The following SLC9C1 variants were observed in gnomAD, a reference collection of about 807,000 sequenced individuals.
The protein encoded by SLC9C1 is solute carrier family 9 member C1.
In SLC9C1, 97 loss-of-function variants were observed where a neutral mutation model predicts 140.9. The observed-to-expected ratio is 0.69, with a 90% CI of 0.58 to 0.82. SLC9C1 has a LOEUF of 0.82. SLC9C1 is among the 40% of genes least tolerant of loss of function. The pLI is 0.00. For missense variants in SLC9C1, 1,340 were observed against 1,389.3 expected (o/e 0.96, Z 0.56); for synonymous variants, 440 against 442.6 (o/e 0.99, Z 0.07).
intron 20 of SLC9C1, among the ~76,000 whole-genome samples, chr3:112,187,058 T>C (rs2077554052): frequency 1.3e-5 from 2 of 152,204 alleles, no homozygotes; most frequent in African/African-American, 4.8e-5. Flanking sequence ...CACATCTCTT[T>C]CTATTTTGGG....
At chr3:112,255,468 T>C (rs944418028) in intron 10 of SLC9C1, among the ~76,000 whole-genome samples, 3 of 152,138 alleles carry the variant, frequency 2.0e-5, no homozygotes, top group African/African-American at 7.2e-5. Flanking sequence ...TTAAACAACC[T>C]GCTTCTTAAT....
chr3:112,258,451 T>G (rs1256401580), intron 10 of SLC9C1, among the ~76,000 whole-genome samples: 1 of 152,030 alleles, frequency 6.6e-6, no homozygotes, highest in Non-Finnish European at 1.5e-5. Flanking sequence ...TTTTTGTTTT[T>G]GAGATGGAGT....
chr3:112,286,805 T>C lies in SLC9C1; in HGVS notation c.-14A>G, dbSNP rs764001241. 6.3e-7 allele frequency: 1 copy of C among 1,599,034 alleles called. No homozygotes were observed. Among genetic ancestry groups the C allele is most frequent in the South Asian group, 1.1e-5 (1 of 89,538 alleles). ...TATTCCAGCCATGTTTCAGAAAAATTTTTATGCAGATTTATGTTAGAAGCA... is the reference window on the plus strand; with the variant it reads ...TATTCCAGCCATGTTTCAGAAAAATCTTTATGCAGATTTATGTTAGAAGCA... On this transcript the variant is annotated 5_prime_UTR_variant, in exon 2 of 29. Coordinates refer to ENST00000305815, the MANE Select transcript of SLC9C1 (RefSeq NM_183061.3).
chr3:112,262,816 C>T (rs1021081929), intron 10 of SLC9C1, 108 bp downstream of exon 10: 22 of 1,022,144 alleles, frequency 2.2e-5, no homozygotes, highest in Non-Finnish European at 2.8e-5. Flanking sequence ...TAAATCACTC[C>T]TACATCCCAA....
chr3:112,254,908 CA>C (rs1161597490), intron 10 of SLC9C1, among the ~76,000 whole-genome samples: 6 of 149,368 alleles, frequency 4.0e-5, no homozygotes, highest in Non-Finnish European at 6.0e-5. Flanking sequence ...AAATGGAAAA[CA>C]AAAAAAAAGC....
chr3:112,151,422 G>A (rs981175905), intron 28 of SLC9C1: 3 of 518,924 alleles, frequency 5.8e-6, no homozygotes, highest in Non-Finnish European at 1.2e-5. Flanking sequence ...TTTAACTTCA[G>A]CTGGTGTTAT....
At position 112,169,270 on chromosome 3, in the gene SLC9C1, A is replaced by G. The variant is rs772368591; in HGVS notation, c.2978T>C (p.Ile993Thr). Residue 993 changes from isoleucine to threonine, a missense_variant, in exon 24 of 29, where the codon ATT (isoleucine) becomes ACT (threonine). By Grantham distance (89) the Ile-to-Thr change is moderately conservative (BLOSUM62 -1). Coordinates refer to ENST00000305815, the MANE Select transcript of SLC9C1 (RefSeq NM_183061.3). Reference sequence around the variant, plus strand: ...AAGTTTTAGCCACATTTTTTGTTTAATGAGAGGAGAGCATTGCTCAAAAGC... The same window carrying G: ...AAGTTTTAGCCACATTTTTTGTTTAGTGAGAGGAGAGCATTGCTCAAAAGC... ...YDAFEQCSPL[I>T]KQKMWLKLGL... is the part of the protein sequence containing the mutation. 4 of 1,613,570 alleles carry G rather than the reference A, an allele frequency of 2.5e-6. No homozygotes were observed. In the East Asian group the frequency reaches 6.7e-5, roughly 27 times the overall value.
chr3:112,280,929 A>G, intron 2 of SLC9C1, 146 bp from the exon 3 acceptor site: 1 of 701,700 alleles, frequency 1.4e-6, no homozygotes, highest in Non-Finnish European at 2.5e-6. Flanking sequence ...ACTTATCAGC[A>G]CACAGAATCA....
At position 112,204,362 on chromosome 3, in the gene SLC9C1, G is replaced by A; in HGVS notation, c.2028C>T (p.Asn676=). The part of the protein sequence containing the change: ...MRKDFFSHAW[N]IFELAITLIG... ...TTAATGTAATTGCTAACTCGAATATGTTCCAGGCATGTGAAAAAAAGTCCT... is the reference window on the plus strand; with the variant it reads ...TTAATGTAATTGCTAACTCGAATATATTCCAGGCATGTGAAAAAAAGTCCT... Residue 676 remains asparagine, a synonymous_variant, in exon 17 of 29, where the codon AAC becomes AAT. Coordinates refer to ENST00000305815, the MANE Select transcript of SLC9C1 (RefSeq NM_183061.3). 6.4e-7 allele frequency: 1 copy of A among 1,571,462 alleles called. No homozygotes were observed. The highest frequency in any genetic ancestry group is 8.6e-7 in the Non-Finnish European group (1 of 1,165,600).
chr3:112,173,998 CATT>C (rs2077291774), intron 23 of SLC9C1, among the ~76,000 whole-genome samples: 1 of 152,152 alleles, frequency 6.6e-6, no homozygotes, highest in South Asian at 2.1e-4. Flanking sequence ...GATGGTATCT[CATT>C]GTGTTTTGAT....
At chr3:112,185,859 C>T (rs2077527782) in intron 20 of SLC9C1, 2 of 1,589,870 alleles carry the variant, frequency 1.3e-6, no homozygotes, top group Non-Finnish European at 1.7e-6. Flanking sequence ...GACTGCGCGG[C>T]ACAGCTCCCA....
At chr3:112,150,786 A>T (rs2074936428) in intron 28 of SLC9C1, among the ~76,000 whole-genome samples, 1 of 55,994 alleles carries the variant, frequency 1.8e-5, no homozygotes, top group Non-Finnish European at 4.6e-5. Context: ...ATATATAAAT[A>T]CATATACATA....
intron 11 of SLC9C1, among the ~76,000 whole-genome samples, chr3:112,241,300 T>G (rs1048949430): frequency 2.0e-5 from 3 of 151,916 alleles, no homozygotes; most frequent in African/African-American, 7.3e-5. Context: ...CACAAACATA[T>G]ACACCTACTA....
chr3:112,217,342 T>C (rs1576367177), intron 15 of SLC9C1, 100 bp downstream of exon 15: 8 of 1,383,278 alleles, frequency 5.8e-6, no homozygotes, highest in African/African-American at 4.4e-5. Flanking sequence ...CTAGCACTTA[T>C]AGTATAATAA....
chr3:112,238,783 A>T (rs934451976), intron 12 of SLC9C1, among the ~76,000 whole-genome samples: 4 of 152,170 alleles, frequency 2.6e-5, no homozygotes, highest in Non-Finnish European at 5.9e-5. Flanking sequence ...ATATTGCTGA[A>T]CAGGCAATGT....
intron 2 of SLC9C1, among the ~76,000 whole-genome samples, chr3:112,282,584 TC>T (rs2080387960): frequency 6.6e-6 from 1 of 152,192 alleles, no homozygotes; most frequent in African/African-American, 2.4e-5. Context: ...CACCCTATAG[TC>T]CCAGTTTGGC....
At chr3:112,220,163 T>C (rs906441946) in intron 14 of SLC9C1, among the ~76,000 whole-genome samples, 3 of 152,234 alleles carry the variant, frequency 2.0e-5, no homozygotes, top group Non-Finnish European at 4.4e-5. Flanking sequence ...ATAAGATATA[T>C]TTCATCTTCC....
chr3:112,217,674 CTA>C (rs1337915232), intron 14 of SLC9C1, 113 bp from the exon 15 acceptor site: 3 of 902,644 alleles, frequency 3.3e-6, no homozygotes, highest in Non-Finnish European at 1.6e-6. Flanking sequence ...AACAGGAAGA[CTA>C]TTTTGTGCCA....
intron 28 of SLC9C1, among the ~76,000 whole-genome samples, chr3:112,144,075 T>G (rs1301515548): frequency 6.6e-6 from 1 of 152,290 alleles, no homozygotes; most frequent in Non-Finnish European, 1.5e-5. Flanking sequence ...GGGCTTTAGT[T>G]ATAGGTTCTC....
Sources: allele counts gnomAD v4.1 joint callset (sites outside exome capture counted in the v4.1 genomes callset), GRCh38; gene constraint gnomAD v4.1.1; transcripts MANE v1.5; gene names NCBI Gene and HGNC (gene_info 2026-07-23, HGNC 2026-07-21).